The following KCP variants were observed in gnomAD, a reference collection of about 807,000 sequenced individuals.
KCP encodes kielin/chordin-like protein.
In KCP, 194 loss-of-function variants were observed where a neutral mutation model predicts 212.7. The observed-to-expected ratio is 0.91, with a 90% CI of 0.81 to 1.03. KCP has a LOEUF of 1.03. Among genes scored for constraint, KCP ranks in the 50% least tolerant of loss-of-function variants. The pLI is 0.00. For synonymous variants in KCP, 833 were observed against 865.3 expected (o/e 0.96, Z 0.65); for missense variants, 2,080 against 2,162.5 (o/e 0.96, Z 0.76).
At chr7:128,890,854 G>A in intron 20 of KCP, 51 bp downstream of exon 20, 1 of 1,214,316 alleles carries the variant, frequency 8.2e-7, no homozygotes, top group Non-Finnish European at 1.0e-6. Context: ...TCCGGGGCGG[G>A]GCGGGGCGGC....
At chr7:128,903,994 C>T (rs1794994113) in intron 6 of KCP, 62 bp downstream of exon 6, 21 of 1,478,656 alleles carry the variant, frequency 1.4e-5, no homozygotes, top group Non-Finnish European at 1.8e-5. Flanking sequence ...CAGGCAGGGC[C>T]CAGGGCAGGG....
In KCP at chr7:128,886,905, GGA is replaced by G. The variant is rs757703040; in HGVS notation, c.2658_2659del (p.Pro887ArgfsTer25). 1 of 1,533,526 alleles carries G rather than the reference GGA, an allele frequency of 6.5e-7. No individual in the cohort carries two copies. The highest frequency in any genetic ancestry group is 8.8e-7 in the Non-Finnish European group (1 of 1,137,484). The allele number at this position is 1,533,526 out of a possible 1,614,324, so 95.0% of individuals were successfully genotyped here. On this transcript the variant is annotated frameshift_variant, in exon 24 of 40. Coordinates refer to ENST00000610776, the MANE Select transcript of KCP (RefSeq NM_001366122.1). LOFTEE classifies it high-confidence loss of function. ...GCAAACAGGGCAGAAGCAGGGGCCTGGAGAGGGGTGGGGGCAGAGAGCTGGGG... is the reference window on the plus strand; with the variant it reads ...GCAAACAGGGCAGAAGCAGGGGCCTGGAGGGGTGGGGGCAGAGAGCTGGGG...
intron 21 of KCP, 32 bp downstream of exon 21, chr7:128,890,311 A>T: frequency 6.4e-7 from 1 of 1,551,218 alleles, no homozygotes; most frequent in Non-Finnish European, 8.7e-7. Flanking sequence ...CCCGCATCCC[A>T]CCCCGGCAGC....
In KCP at chr7:128,907,242, G is replaced by A. The variant is rs555053466; in HGVS notation, c.409+22C>T. On this transcript the variant is annotated intron_variant, in intron 3 of 39. Coordinates refer to ENST00000610776, the MANE Select transcript of KCP (RefSeq NM_001366122.1). ...CTGCAGGTCTTTAGGTGGCCCCAGT[G>A]GGCGGATAGGGTGGCACTTACCCCT... 5 of 1,536,316 alleles carry A rather than the reference G, an allele frequency of 3.3e-6. No homozygotes were observed. In the African/African-American group the frequency reaches 5.5e-5, roughly 17 times the overall value.
chr7:128,904,122 C>A lies in KCP; in HGVS notation c.588G>T (p.Gly196=). 2 of 1,551,698 alleles carry A rather than the reference C, an allele frequency of 1.3e-6. No individual in the cohort carries two copies. Among genetic ancestry groups the A allele is most frequent in the Non-Finnish European group, 1.7e-6 (2 of 1,146,952 alleles). Residue 196 remains glycine, a synonymous_variant, in exon 6 of 40, where the codon GGG becomes GGT. Coordinates refer to ENST00000610776, the MANE Select transcript of KCP (RefSeq NM_001366122.1). ...PHCKPGCDYE[G]QLYEEGVTFL... Reference sequence around the variant, plus strand: ...AGGTGACCCCCTCCTCATAAAGCTGCCCCTCATAATCACAGCCTGGGAAGG... The same window carrying A: ...AGGTGACCCCCTCCTCATAAAGCTGACCCTCATAATCACAGCCTGGGAAGG...
intron 16 of KCP, among the ~76,000 whole-genome samples, chr7:128,892,258 CG>C (rs1367250511): frequency 3.1e-5 from 2 of 64,124 alleles, no homozygotes; most frequent in Admixed American, 3.2e-4. Flanking sequence ...CGTGGTGGGG[CG>C]GGGGGCAGTA....
chr7:128,904,554 C>T (rs776850032), intron 5 of KCP, among the ~76,000 whole-genome samples: 6 of 152,378 alleles, frequency 3.9e-5, no homozygotes, highest in Non-Finnish European at 7.3e-5. Flanking sequence ...GCAGTAGCAG[C>T]CCTGCCTAGC....
rs775493543 is a variant in KCP, at chr7:128,904,049, G to T, written c.654+7C>A. On this transcript the variant is annotated splice_region_variant and intron_variant, in intron 6 of 39. Coordinates refer to ENST00000610776, the MANE Select transcript of KCP (RefSeq NM_001366122.1). ...AGGGCCTGGGCAGAGGGGACAGGTG[G>T]ACTCACCAGGCAGGTGCACTGTAGA... 1.3e-6 allele frequency: 2 copies of T among 1,550,876 alleles called. No homozygotes were observed. The highest frequency in any genetic ancestry group is 2.4e-5 in the South Asian group (2 of 84,042).
At chr7:128,894,111 G>A in intron 9 of KCP, 56 bp from the exon 10 acceptor site, 1 of 1,523,164 alleles carries the variant, frequency 6.6e-7, no homozygotes, top group Non-Finnish European at 8.9e-7. Context: ...ACCCTCTCCT[G>A]GCCTTCATGG....
chr7:128,879,630 G>A lies in KCP; in HGVS notation c.4045-7C>T. 6.5e-7 allele frequency: 1 copy of A among 1,550,034 alleles called. No individual in the cohort carries two copies. Among genetic ancestry groups the A allele is most frequent in the Non-Finnish European group, 8.7e-7 (1 of 1,146,432 alleles). On this transcript the variant is annotated splice_region_variant and splice_polypyrimidine_tract_variant and intron_variant, in intron 36 of 39. Coordinates refer to ENST00000610776, the MANE Select transcript of KCP (RefSeq NM_001366122.1). ...CCACCGGGTGCCCATCCACCTGGAG[G>A]ATAAAGGAGGTGGGAGGAGGGGTGA...
intron 5 of KCP, among the ~76,000 whole-genome samples, chr7:128,905,802 A>T (rs1976297): frequency 1.3e-5 from 2 of 151,114 alleles, no homozygotes; most frequent in African/African-American, 4.9e-5. Context: ...GCCCAGAGGA[A>T]CCTCACGTAC....
Position 128,881,897 on chromosome 7 carries a change from G to T in KCP, c.3324+40C>A, listed in dbSNP as rs987338799. On this transcript the variant is annotated intron_variant, in intron 30 of 39. Coordinates refer to ENST00000610776, the MANE Select transcript of KCP (RefSeq NM_001366122.1). ...GCAGCCACAGCCCACAGAGAAGGAA[G>T]AAGAGGGGCTCTGTGAGTCCCCAAG... The T allele has an allele frequency of 2.0e-6, 3 of 1,530,386 alleles. No individual in the cohort carries two copies. In the African/African-American group the frequency reaches 4.1e-5, roughly 21 times the overall value. The allele number at this position is 1,530,386 out of a possible 1,614,324, so 94.8% of individuals were successfully genotyped here. A position where few individuals can be genotyped will look rare whatever the true frequency, so the allele number is the denominator to read the frequency against.
rs1317071891 is a variant in KCP, at chr7:128,885,125, C to A, written c.3012G>T (p.Gly1004=). Residue 1004 remains glycine (G), a synonymous_variant, in exon 27 of 40, where the codon GGG becomes GGT. Transcript: ENST00000610776. The part of the protein sequence containing the change: ...CISSCAQPRQ[G]PHDCCPQCSD... The stretch of plus-strand genomic sequence containing the variant: ...AGCATTGAGGACAGCAGTCATGGGG[C>A]CCTTGGCGGGGCTGGGCGCAAGAGC... 1.9e-6 allele frequency: 3 copies of A among 1,550,696 alleles called. No homozygotes were observed. The highest frequency in any genetic ancestry group is 1.4e-5 in the African/African-American group (1 of 73,062).
chr7:128,887,504 C>A lies in KCP; in HGVS notation c.2513-204G>T, dbSNP rs181919272. Among the ~76,000 whole-genome samples the A allele has an allele frequency of 5.3e-5, 8 of 149,760 alleles. No individual in the cohort carries two copies. In the East Asian group the frequency reaches 1.6e-3, roughly 30 times the overall value. On this transcript the variant is annotated intron_variant, in intron 22 of 39. Coordinates refer to ENST00000610776, the MANE Select transcript of KCP (RefSeq NM_001366122.1). ...ACACACATACATACACGCATATACA[C>A]ACAGCAGGTGGGAGTGCAACAGAAA...
intron 26 of KCP, among the ~76,000 whole-genome samples, chr7:128,885,833 T>C (rs982725000): frequency 1.3e-5 from 2 of 152,218 alleles, no homozygotes; most frequent in Admixed American, 6.5e-5. Flanking sequence ...AGTGTCCATC[T>C]TGACTCTGCC....
chr7:128,904,092 C>T lies in KCP; in HGVS notation c.618G>A (p.Leu206=). 6.4e-7 allele frequency: 1 copy of T among 1,551,620 alleles called. No individual in the cohort carries two copies. The highest frequency in any genetic ancestry group is 8.7e-7 in the Non-Finnish European group (1 of 1,146,960). Residue 206 remains leucine, a synonymous_variant, in exon 6 of 40, where the codon CTG becomes CTA. Coordinates refer to ENST00000610776, the MANE Select transcript of KCP (RefSeq NM_001366122.1). ...GQLYEEGVTF[L]SSSNPCLQCT... is the part of the protein sequence containing the mutation. ...ACTGTAGACAAGGGTTGGAGCTGGA[C>T]AGGAAGGTGACCCCCTCCTCATAAA...
chr7:128,887,382 CACACATACACAGCCACAGCCACAG>C, intron 22 of KCP, 82 bp from the exon 23 acceptor site: 1 of 1,038,124 alleles, frequency 9.6e-7, no homozygotes, highest in Non-Finnish European at 1.5e-6. Context: ...CCTCCCCCTC[CACACATACACAGCCACAGCCACAG>C]ACACACACAT....
intron 22 of KCP, among the ~76,000 whole-genome samples, chr7:128,888,119 TACACAC>T (rs199831809): frequency 3.7e-4 from 44 of 118,036 alleles, no homozygotes; most frequent in African/African-American, 1.1e-3. Context: ...GCTACAGCCA[TACACAC>T]ACACACACAC....
At position 128,883,134 on chromosome 7, in the gene KCP, GT is replaced by G. The variant is rs1793432153; in HGVS notation, c.3244+867del. Among the ~76,000 whole-genome samples, 4 of 150,524 alleles carry G rather than the reference GT, an allele frequency of 2.7e-5. No homozygotes were observed. The South Asian group carries it at 8.4e-4, about 32-fold the overall frequency. ...GGATTATCATTAAAAAAAAAAGTAT[GT>G]TTTTTCTTTCTTTTTTTTTTTTTGA... On this transcript the variant is annotated intron_variant, in intron 29 of 39. Transcript: ENST00000610776.
Sources: gnomAD v4.1 joint callset for allele counts (sites outside exome capture counted in the v4.1 genomes callset) on GRCh38, gnomAD v4.1.1 for gene constraint, MANE v1.5 for transcripts, NCBI Gene and HGNC (gene_info 2026-07-23, HGNC 2026-07-21) for gene names.